ARPP21: variants seen among roughly 807,000 people sequenced by gnomAD.
The protein encoded by ARPP21 is cAMP regulated phosphoprotein 21.
In ARPP21, 69 loss-of-function variants were observed where a neutral mutation model predicts 113.2. The observed-to-expected ratio is 0.61, with a 90% CI of 0.50 to 0.74. The LOEUF (loss-of-function observed/expected upper bound fraction) is 0.74. Among genes scored for constraint, ARPP21 ranks in the 30% least tolerant of loss-of-function variants. ARPP21 has a pLI of 0.00. For missense variants in ARPP21, 1,070 were observed against 1,037.4 expected (o/e 1.03, Z -0.43); for synonymous variants, 368 against 375.5 (o/e 0.98, Z 0.23).
chr3:35,689,351 G>A lies in ARPP21; in HGVS notation c.451G>A (p.Glu151Lys), dbSNP rs934645851. ...GGATTCTACAGGCATAGACTTACACGAGTTTCTGATTAACACATTAAAGAA... is the reference window on the plus strand; with the variant it reads ...GGATTCTACAGGCATAGACTTACACAAGTTTCTGATTAACACATTAAAGAA... ...YTDSTGIDLHEFLINTLKNNS... is the reference protein window; with the variant it reads ...YTDSTGIDLHKFLINTLKNNS... Residue 151 changes from glutamate (E) to lysine (K), a missense_variant, in exon 7 of 21, where the codon GAG (glutamate) becomes AAG (lysine). Transcript: ENST00000684406. The A allele has an allele frequency of 6.3e-6, 10 of 1,584,776 alleles. No homozygotes were observed. Among genetic ancestry groups the A allele is most frequent in the Middle Eastern group, 1.7e-4 (1 of 6,010 alleles).
chr3:35,712,701 A>C (rs977321812), intron 11 of ARPP21, among the ~76,000 whole-genome samples: 1 of 152,144 alleles, frequency 6.6e-6, no homozygotes, highest in African/African-American at 2.4e-5. Context: ...AGATAAGACA[A>C]ATTTCTTCAT....
chr3:35,721,903 A>G, intron 14 of ARPP21, 69 bp downstream of exon 14: 2 of 959,624 alleles, frequency 2.1e-6, no homozygotes, highest in Admixed American at 2.8e-5. Flanking sequence ...TATGGTCACC[A>G]TTCCCTCTGA....
chr3:35,679,362 ACAG>A (rs1575728946), intron 1 of ARPP21, among the ~76,000 whole-genome samples: 1 of 152,016 alleles, frequency 6.6e-6, no homozygotes, highest in Non-Finnish European at 1.5e-5. Context: ...AACCACATAA[ACAG>A]CATTAAAATG....
intron 15 of ARPP21, among the ~76,000 whole-genome samples, chr3:35,733,008 A>C (rs958514345): frequency 6.6e-6 from 1 of 152,138 alleles, no homozygotes. Context: ...TCTTCTAAAG[A>C]CTAGGAAAAG....
chr3:35,656,715 G>A (rs1705112636), intron 1 of ARPP21, among the ~76,000 whole-genome samples: 1 of 152,024 alleles, frequency 6.6e-6, no homozygotes, highest in East Asian at 1.9e-4. Flanking sequence ...AACTGGAACT[G>A]TTCTGTAGCC....
At chr3:35,785,514 A>G (rs1386204664) in intron 19 of ARPP21, among the ~76,000 whole-genome samples, 1 of 43,860 alleles carries the variant, frequency 2.3e-5, no homozygotes, top group Non-Finnish European at 4.6e-5. Context: ...TGATTTAAAG[A>G]AAGAAAGAAA....
intron 1 of ARPP21, among the ~76,000 whole-genome samples, chr3:35,662,519 A>T (rs911750511): frequency 6.6e-6 from 1 of 152,186 alleles, no homozygotes; most frequent in Non-Finnish European, 1.5e-5. Flanking sequence ...GGGGAGCAGG[A>T]CTGGGCAGAG....
chr3:35,718,567 G>A lies in ARPP21; in HGVS notation c.995+1210G>A, dbSNP rs1399033872. 2.0e-5 allele frequency among the ~76,000 whole-genome samples: 3 copies of A among 152,058 alleles called. No homozygotes were observed. The East Asian group carries it at 5.8e-4, about 29-fold the overall frequency. ...CAAGCCAGAGCTACCATATACTCAG[G>A]TTAGCCATCTCAAATATGGATTTCA... On this transcript the variant is annotated intron_variant, in intron 13 of 20. Coordinates refer to ENST00000684406, the MANE Select transcript of ARPP21 (RefSeq NM_001385562.1).
chr3:35,680,664 A>AT (rs1444015633), intron 2 of ARPP21, among the ~76,000 whole-genome samples: 1 of 151,718 alleles, frequency 6.6e-6, no homozygotes, highest in Non-Finnish European at 1.5e-5. Flanking sequence ...ATTGCTTGGG[A>AT]TTTTTTTGAA....
intron 15 of ARPP21, among the ~76,000 whole-genome samples, chr3:35,734,501 T>G (rs1383310940): frequency 6.6e-6 from 1 of 152,212 alleles, no homozygotes; most frequent in Non-Finnish European, 1.5e-5. Context: ...TTTGTCACTG[T>G]TTTGCAAATA....
At chr3:35,710,620 G>C (rs2090834494) in intron 11 of ARPP21, among the ~76,000 whole-genome samples, 1 of 150,050 alleles carries the variant, frequency 6.7e-6, no homozygotes, top group Non-Finnish European at 1.5e-5. Context: ...GGCAGGTCAA[G>C]TAATTTATGA....
At chr3:35,675,624 T>C (rs1019458893) in intron 1 of ARPP21, among the ~76,000 whole-genome samples, 7 of 151,968 alleles carry the variant, frequency 4.6e-5, no homozygotes, top group Non-Finnish European at 8.8e-5. Flanking sequence ...CAGTGAAATA[T>C]GATGTCTGTT....
At chr3:35,668,021 A>AAGGAGAAGG (rs1254639006) in intron 1 of ARPP21, among the ~76,000 whole-genome samples, 2 of 134,898 alleles carry the variant, frequency 1.5e-5, no homozygotes, top group Admixed American at 7.4e-5. Context: ...GAAGAAGAAG[A>AAGGAGAAGG]AGAAGAAGAA....
At chr3:35,694,961 TTATA>T (rs1040163265) in intron 9 of ARPP21, among the ~76,000 whole-genome samples, 4 of 147,684 alleles carry the variant, frequency 2.7e-5, no homozygotes, top group Admixed American at 2.0e-4. Context: ...TAAATGTATA[TTATA>T]TATAAAGTTT....
intron 1 of ARPP21, among the ~76,000 whole-genome samples, chr3:35,668,057 C>A (rs2075360953): frequency 6.7e-6 from 1 of 148,760 alleles, no homozygotes; most frequent in African/African-American, 2.5e-5. Context: ...AGAAGAAAGT[C>A]ATAAAGTAAG....
chr3:35,683,829 C>T lies in ARPP21; in HGVS notation c.261+14C>T. 1.6e-6 allele frequency: 2 copies of T among 1,253,084 alleles called. No individual in the cohort carries two copies. The highest frequency in any genetic ancestry group is 1.2e-5 in the South Asian group (1 of 82,912). The allele number at this position is 1,253,084 out of a possible 1,614,324, so 77.6% of individuals were successfully genotyped here. On this transcript the variant is annotated intron_variant, in intron 5 of 20. Coordinates refer to ENST00000684406, the MANE Select transcript of ARPP21 (RefSeq NM_001385562.1). ...CTTCAGGATCAGGTATATCCCCTTG[C>T]CATTATCATTAATTGCATGAATGGG...
In ARPP21 at chr3:35,737,197, C is replaced by T. The variant is rs771842631; in HGVS notation, c.1479C>T (p.Pro493=). 30 of 1,608,344 alleles carry T rather than the reference C, an allele frequency of 1.9e-5. 1 individual carries two copies. The highest frequency in any genetic ancestry group is 5.6e-5 in the South Asian group (5 of 90,064). The change falls in exon 16 of 21, where the codon CCC becomes CCT. Residue 493 remains proline (P), a synonymous_variant. Coordinates refer to ENST00000684406, the MANE Select transcript of ARPP21 (RefSeq NM_001385562.1). ...TTGCAGGCCAGCCCTTTGTGAATCC[C>T]GATGGAACTCCTGCAATATACAACC... ...NPHTGQPFVN[P]DGTPAIYNPP... is the part of the protein sequence containing the mutation.
chr3:35,667,914 G>GGGA (rs1559548381), intron 1 of ARPP21, among the ~76,000 whole-genome samples: 1 of 42,570 alleles, frequency 2.3e-5, no homozygotes, highest in Non-Finnish European at 4.6e-5. Context: ...GAAGAGGAAG[G>GGGA]AGGAGGAGGA....
At chr3:35,656,024 A>C (rs1353218427) in intron 1 of ARPP21, among the ~76,000 whole-genome samples, 1 of 152,122 alleles carries the variant, frequency 6.6e-6, no homozygotes, top group African/African-American at 2.4e-5. Flanking sequence ...ATAATCTAAA[A>C]ACAAAGGAAT....
Sources: allele counts gnomAD v4.1 joint callset (sites outside exome capture counted in the v4.1 genomes callset), GRCh38; gene constraint gnomAD v4.1.1; transcripts MANE v1.5; gene names NCBI Gene and HGNC (gene_info 2026-07-23, HGNC 2026-07-21).